Variants in DLGAP3 observed in about 807,000 individuals in gnomAD.
The protein encoded by DLGAP3 is disks large-associated protein 3.
DLGAP3 carries 17 observed loss-of-function variants against 81.2 expected under a neutral mutation model. That is an observed-to-expected ratio of 0.21 (90% confidence interval 0.14 to 0.31). The LOEUF (loss-of-function observed/expected upper bound fraction) is 0.31. DLGAP3 is among the 10% of genes least tolerant of loss of function. DLGAP3 has a pLI of 1.00. For synonymous variants in DLGAP3, 577 were observed against 587.4 expected (o/e 0.98, Z 0.26); for missense variants, 1,124 against 1,388.0 (o/e 0.81, Z 3.02).
chr1:34,913,381 G>T (rs188071598), intron 1 of DLGAP3, among the ~76,000 whole-genome samples: 46 of 152,078 alleles, frequency 3.0e-4, no homozygotes, highest in Non-Finnish European at 6.2e-4. Flanking sequence ...CCCACCTCAG[G>T]GGGCTTTGCA....
Position 34,865,996 on chromosome 1 carries a change from G to A in DLGAP3, c.*87C>T. On this transcript the variant is annotated 3_prime_UTR_variant, in exon 12 of 12. Transcript: ENST00000373347. ...TGCCGGTGGGGCGGGCGCACGGGGC[G>A]GCCCGCGTTCACAGTGACCTCGACG... The A allele has an allele frequency of 1.7e-6, 2 of 1,197,468 alleles. No homozygotes were observed. The highest frequency in any genetic ancestry group is 2.2e-5 in the Admixed American group (1 of 45,234). The allele number at this position is 1,197,468 out of a possible 1,614,324, so 74.2% of individuals were successfully genotyped here. A position where few individuals can be genotyped will look rare whatever the true frequency, so the allele number is the denominator to read the frequency against.
rs542672267 is a variant in DLGAP3, at chr1:34,919,923, G to T, written c.-135+9528C>A. On this transcript the variant is annotated intron_variant, in intron 1 of 11. Coordinates refer to ENST00000373347, the MANE Select transcript of DLGAP3 (RefSeq NM_001080418.3). ...CCTGAATTCACATCACAACCCTGGGGACAAATCATTCCTAAGTCCATACTT... is the reference window on the plus strand; with the variant it reads ...CCTGAATTCACATCACAACCCTGGGTACAAATCATTCCTAAGTCCATACTT... Among the ~76,000 whole-genome samples the T allele has an allele frequency of 3.9e-5, 6 of 152,286 alleles. No homozygotes were observed. In the South Asian group the frequency reaches 6.2e-4, roughly 16 times the overall value.
chr1:34,870,341 G>A (rs1638960921), intron 8 of DLGAP3, among the ~76,000 whole-genome samples: 1 of 152,090 alleles, frequency 6.6e-6, no homozygotes, highest in African/African-American at 2.4e-5. Flanking sequence ...TCAAGGTTTG[G>A]AAATTCAAGG....
In DLGAP3 at chr1:34,929,279, C is replaced by T. The variant is rs1639920265; in HGVS notation, c.-135+172G>A. ...GGGCCCGCGGGCAGCCAGGCCGGGG[C>T]AGGAGCGGGGGCAGCTGAGGAGGCC... is the stretch of plus-strand genomic sequence containing the variant. On this transcript the variant is annotated intron_variant, in intron 1 of 11. Coordinates refer to ENST00000373347, the MANE Select transcript of DLGAP3 (RefSeq NM_001080418.3). The surrounding 1 kb of genome is among the most constrained non-coding windows in gnomAD (Gnocchi z 6.5). 1.3e-5 allele frequency among the ~76,000 whole-genome samples: 2 copies of T among 151,000 alleles called. No homozygotes were observed.
Position 34,899,665 on chromosome 1 carries a change from C to T in DLGAP3, c.1386+4G>A, listed in dbSNP as rs777971027. On this transcript the variant is annotated splice_donor_region_variant and intron_variant, in intron 5 of 11. Transcript: ENST00000373347. ...TCCTCCAGGCATACTGGGCCTCTCCCTACCTGTCCAGTGGTGAGGGAACGG... is the reference window on the plus strand; with the variant it reads ...TCCTCCAGGCATACTGGGCCTCTCCTTACCTGTCCAGTGGTGAGGGAACGG... 1 of 1,612,864 alleles carries T rather than the reference C, an allele frequency of 6.2e-7. No individual in the cohort carries two copies. Among genetic ancestry groups the T allele is most frequent in the South Asian group, 1.1e-5 (1 of 91,048 alleles).
At chr1:34,907,114 CCTA>C in intron 2 of DLGAP3, among the ~76,000 whole-genome samples, 1 of 152,182 alleles carries the variant, frequency 6.6e-6, no homozygotes, top group Non-Finnish European at 1.5e-5. Flanking sequence ...CCCCTCATCT[CCTA>C]CTATTTCCCA....
At chr1:34,880,923 T>C (rs1160904772) in intron 8 of DLGAP3, among the ~76,000 whole-genome samples, 1 of 152,122 alleles carries the variant, frequency 6.6e-6, no homozygotes, top group Non-Finnish European at 1.5e-5. Context: ...TAAAAGTCTC[T>C]CCTATCCCCA....
rs563713333 is a variant in DLGAP3 at position 34,909,601 on chromosome 1, T to C, written c.-134-2164A>G. Among the ~76,000 whole-genome samples, 10 of 152,312 alleles carry C rather than the reference T, an allele frequency of 6.6e-5. No homozygotes were observed. In the East Asian group the frequency reaches 1.5e-3, roughly 23 times the overall value. On this transcript the variant is annotated intron_variant, in intron 1 of 11. Coordinates refer to ENST00000373347, the MANE Select transcript of DLGAP3 (RefSeq NM_001080418.3). The stretch of plus-strand genomic sequence containing the variant: ...AGTGTCCAAATAGTAAACAATATAA[T>C]CAAATCCAAATTACTGGGAGCAGGA...
chr1:34,912,031 G>A (rs565464611), intron 1 of DLGAP3, among the ~76,000 whole-genome samples: 2 of 152,166 alleles, frequency 1.3e-5, no homozygotes, highest in Non-Finnish European at 2.9e-5. Flanking sequence ...CTGGCTGTGT[G>A]TACTTGGGTA....
rs1269945913 is a variant in DLGAP3 at position 34,899,892 on chromosome 1, A to AAGAGGCACC, written c.1314-160_1314-152dup. On this transcript the variant is annotated intron_variant, in intron 4 of 11. Coordinates refer to ENST00000373347, the MANE Select transcript of DLGAP3 (RefSeq NM_001080418.3). ...GAGACCCTGGGTAAAGAGACTCCCAAAGAGGCACCAGAGAAGGACTCCCAC... is the reference window on the plus strand; with the variant it reads ...GAGACCCTGGGTAAAGAGACTCCCAAAGAGGCACCAGAGGCACCAGAGAAGGACTCCCAC... The AAGAGGCACC allele has an allele frequency of 6.5e-6, 6 of 916,044 alleles. No individual in the cohort carries two copies. The East Asian group carries it at 1.6e-4, about 24-fold the overall frequency. 56.7% of individuals were successfully genotyped at this position (916,044 alleles called of 1,614,324 possible).
chr1:34,887,677 C>G (rs1639255025), intron 5 of DLGAP3, among the ~76,000 whole-genome samples: 1 of 152,184 alleles, frequency 6.6e-6, no homozygotes, highest in Non-Finnish European at 1.5e-5. Context: ...GGCAAAGCAT[C>G]AGGGAGTATA....
At chr1:34,922,910 C>A (rs1477945201) in intron 1 of DLGAP3, among the ~76,000 whole-genome samples, 1 of 152,110 alleles carries the variant, frequency 6.6e-6, no homozygotes, top group Admixed American at 6.5e-5. Flanking sequence ...TATACCCACT[C>A]CTGGACACAT....
At chr1:34,921,650 T>A (rs1639798534) in intron 1 of DLGAP3, among the ~76,000 whole-genome samples, 2 of 152,228 alleles carry the variant, frequency 1.3e-5, no homozygotes, top group Admixed American at 1.3e-4. Context: ...AAATACATGC[T>A]GGTTGAATGA....
At chr1:34,886,432 T>A in intron 5 of DLGAP3, 147 bp from the exon 6 acceptor site, 1 of 818,722 alleles carries the variant, frequency 1.2e-6, no homozygotes, top group Non-Finnish European at 1.8e-6. Context: ...AAACTCTAAC[T>A]CTTTGCAAAG....
intron 1 of DLGAP3, among the ~76,000 whole-genome samples, chr1:34,907,847 G>A (rs554918894): frequency 6.6e-6 from 1 of 152,258 alleles, no homozygotes; most frequent in East Asian, 1.9e-4. Flanking sequence ...TAGTCTAACA[G>A]GGGAACAACC....
At chr1:34,911,988 C>G (rs1360854535) in intron 1 of DLGAP3, among the ~76,000 whole-genome samples, 6 of 152,232 alleles carry the variant, frequency 3.9e-5, no homozygotes, top group Non-Finnish European at 8.8e-5. Context: ...TGTCATCAGA[C>G]TCTGTGGGCT....
intron 11 of DLGAP3, 26 bp from the exon 12 acceptor site, chr1:34,866,327 C>A: frequency 2.0e-6 from 3 of 1,488,532 alleles, no homozygotes; most frequent in Non-Finnish European, 9.0e-7. Context: ...CGTCGCTGAG[C>A]TGGGGCGCCG....
chr1:34,916,821 G>C (rs528759621), intron 1 of DLGAP3, among the ~76,000 whole-genome samples: 14 of 151,934 alleles, frequency 9.2e-5, no homozygotes, highest in African/African-American at 3.1e-4. Flanking sequence ...TCAGCTTCCC[G>C]AGTAGCTGAG....
chr1:34,922,657 T>C (rs189144582), intron 1 of DLGAP3, among the ~76,000 whole-genome samples: 40 of 152,294 alleles, frequency 2.6e-4, no homozygotes, highest in Non-Finnish European at 2.9e-5. Context: ...TAGATGTGCT[T>C]ATACACATAT....
Sources: allele counts gnomAD v4.1 joint callset (sites outside exome capture counted in the v4.1 genomes callset), GRCh38; gene constraint gnomAD v4.1.1; non-coding constraint Gnocchi (gnomAD v3.1); transcripts MANE v1.5; gene names NCBI Gene and HGNC (gene_info 2026-07-23, HGNC 2026-07-21).